Variants in FAM120B observed in about 807,000 individuals in gnomAD.
FAM120B encodes the protein constitutive coactivator of peroxisome proliferator-activated receptor gamma.
In FAM120B, 83 loss-of-function variants were observed where a neutral mutation model predicts 96.3. The observed-to-expected ratio is 0.86, with a 90% confidence interval of 0.72 to 1.03. The LOEUF is 1.03. FAM120B is among the 50% of genes least tolerant of loss of function. The pLI is 0.00. For missense variants in FAM120B, 1,027 were observed against 1,121.2 expected, an observed-to-expected ratio of 0.92 and a Z score of 1.20; for synonymous variants, 407 against 402.7, an observed-to-expected ratio of 1.01 and a Z score of -0.13.
At chr6:170,341,383 C>T (rs1251999637) in intron 4 of FAM120B, among the ~76,000 whole-genome samples, 1 of 152,218 alleles carries the variant, frequency 6.6e-6, no homozygotes. Flanking sequence ...CTTCAGACTG[C>T]TGTGCTGGCA....
Position 170,391,005 on chromosome 6 carries a change from G to A in FAM120B, c.2491-8G>A, listed in dbSNP as rs948815437. ...CTCACATCTCATTTGCATCTGGTCT[G>A]TTTGCAGAGATCTCGGCTCACCAAA... On this transcript the variant is annotated splice_region_variant and splice_polypyrimidine_tract_variant and intron_variant, in intron 7 of 10. Transcript: ENST00000476287. 6.2e-7 allele frequency: 1 copy of A among 1,613,096 alleles called. No homozygotes were observed. The highest frequency in any genetic ancestry group is 1.3e-5 in the African/African-American group (1 of 75,022).
chr6:170,401,376 T>G (rs1474526689), intron 9 of FAM120B, among the ~76,000 whole-genome samples: 3 of 151,482 alleles, frequency 2.0e-5, no homozygotes, highest in Non-Finnish European at 4.4e-5. Flanking sequence ...TGGACACAGG[T>G]TTGGGGGTGA....
chr6:170,404,847 A>G lies in FAM120B; in HGVS notation c.*96A>G, dbSNP rs1778749651. On this transcript the variant is annotated 3_prime_UTR_variant, in exon 11 of 11. Transcript: ENST00000476287. ...CTGCTGTTGCAGCTGCAAGGAGACC[A>G]TGCCTGTGGGAGCCAGGCCTCGCTT... is the stretch of plus-strand genomic sequence containing the variant. 2.0e-6 allele frequency: 1 copy of G among 494,052 alleles called. No individual in the cohort carries two copies. Among genetic ancestry groups the G allele is most frequent in the Admixed American group, 3.7e-5 (1 of 26,826 alleles). 30.6% of individuals were successfully genotyped at this position (494,052 alleles called of 1,614,324 possible). A position where few individuals can be genotyped will look rare whatever the true frequency, so the allele number is the denominator to read the frequency against.
chr6:170,306,268 G>C (rs920749696), upstream of FAM120B, among the ~76,000 whole-genome samples: 4 of 152,164 alleles, frequency 2.6e-5, no homozygotes, highest in African/African-American at 9.7e-5. Context: ...ACGTGGCGGG[G>C]AAGCGCGCGG....
intron 9 of FAM120B, among the ~76,000 whole-genome samples, chr6:170,401,323 G>A (rs1005394479): frequency 1.3e-5 from 2 of 152,184 alleles, no homozygotes; most frequent in African/African-American, 4.8e-5. Context: ...GTCTCCAAGT[G>A]GCATTCAGCA....
chr6:170,371,166 G>A (rs1014319700), intron 6 of FAM120B, among the ~76,000 whole-genome samples: 9 of 151,508 alleles, frequency 5.9e-5, no homozygotes, highest in Admixed American at 6.6e-5. Context: ...ACACTCCTCA[G>A]CCCCTGTCTA....
chr6:170,390,238 C>T (rs1348544621), intron 7 of FAM120B, among the ~76,000 whole-genome samples: 1 of 152,180 alleles, frequency 6.6e-6, no homozygotes, highest in African/African-American at 2.4e-5. Context: ...ACACAGATTC[C>T]AGAGTGGCAT....
chr6:170,314,104 G>A (rs1784756447), intron 1 of FAM120B, among the ~76,000 whole-genome samples: 1 of 152,188 alleles, frequency 6.6e-6, no homozygotes, highest in Non-Finnish European at 1.5e-5. Flanking sequence ...CCTATTTACT[G>A]GTAACTCAAT....
At chr6:170,299,395 A>T (rs1274373152) in intron 1 of FAM120B, among the ~76,000 whole-genome samples, 3 of 152,086 alleles carry the variant, frequency 2.0e-5, no homozygotes, top group Non-Finnish European at 4.4e-5. Context: ...GGGATGCGCA[A>T]TGTGTGTCTT....
intron 2 of FAM120B, among the ~76,000 whole-genome samples, chr6:170,320,675 T>G (rs578029971): frequency 6.6e-6 from 1 of 152,328 alleles, no homozygotes; most frequent in East Asian, 1.9e-4. Context: ...GTTCTCGTAG[T>G]GAAATATGGA....
upstream of FAM120B, among the ~76,000 whole-genome samples, chr6:170,305,791 A>C (rs1230199280): frequency 6.6e-6 from 1 of 152,224 alleles, no homozygotes; most frequent in Non-Finnish European, 1.5e-5. Flanking sequence ...CTGCAGCTAG[A>C]GGGGTGGACT....
In FAM120B at chr6:170,300,731, C is replaced by G. The variant is rs535934418; in HGVS notation, c.48+5278C>G. Among the ~76,000 whole-genome samples, 2 of 152,210 alleles carry G rather than the reference C, an allele frequency of 1.3e-5. 1 individual carries two copies. The highest frequency in any genetic ancestry group is 2.9e-5 in the Non-Finnish European group (2 of 68,040). ...GGAGACACTGGCCAAAACAAAGGGA[C>G]CACAGGCCCCATGCAAGTCCAAAAT... On this transcript the variant is annotated intron_variant, in intron 1 of 10. Coordinates refer to the FAM120B transcript ENST00000537664.
chr6:170,380,198 G>A (rs1044877387), intron 6 of FAM120B, among the ~76,000 whole-genome samples: 1 of 150,886 alleles, frequency 6.6e-6, no homozygotes, highest in Non-Finnish European at 1.5e-5. Context: ...TTTTTTTTTA[G>A]TAGCTGAACA....
At chr6:170,398,215 A>T (rs1220389293) in intron 9 of FAM120B, among the ~76,000 whole-genome samples, 1 of 152,262 alleles carries the variant, frequency 6.6e-6, no homozygotes, top group Non-Finnish European at 1.5e-5. Flanking sequence ...TGGCCTGGAT[A>T]ACCTTGAGTG....
Position 170,361,218 on chromosome 6 carries a change from A to ACG in FAM120B, c.2283+2900_2283+2901insCG, listed in dbSNP as rs1554286340. Reference sequence around the variant, plus strand: ...TACGTGTATATATATATATATATATATATATATATATATATATACACGTAT... The same window carrying ACG: ...TACGTGTATATATATATATATATATACGTATATATATATATATATACACGTAT... On this transcript the variant is annotated intron_variant, in intron 6 of 10. Transcript: ENST00000476287. Among the ~76,000 whole-genome samples the ACG allele has an allele frequency of 1.3e-3, 137 of 108,794 alleles. 4 individuals carry two copies. In the East Asian group the frequency reaches 0.023, roughly 18 times the overall value. 71.4% of individuals were successfully genotyped at this position (108,794 alleles called of 152,430 possible). A position where few individuals can be genotyped will look rare whatever the true frequency, so the allele number is the denominator to read the frequency against.
At chr6:170,344,646 C>G (rs1787060167) in intron 4 of FAM120B, among the ~76,000 whole-genome samples, 1 of 152,252 alleles carries the variant, frequency 6.6e-6, no homozygotes, top group African/African-American at 2.4e-5. Context: ...ACCACCTGGG[C>G]AAGTCCGTAG....
At chr6:170,390,745 A>C (rs912428741) in intron 7 of FAM120B, among the ~76,000 whole-genome samples, 13 of 152,210 alleles carry the variant, frequency 8.5e-5, no homozygotes, top group Admixed American at 3.9e-4. Flanking sequence ...TCTTTTTTAG[A>C]AATGATTGTT....
intron 4 of FAM120B, among the ~76,000 whole-genome samples, chr6:170,347,412 G>A (rs1366881052): frequency 6.6e-6 from 1 of 152,224 alleles, no homozygotes; most frequent in African/African-American, 2.4e-5. Context: ...GCAACTCAGT[G>A]TGAGTCGTCA....
At chr6:170,375,429 G>A (rs1280650316) in intron 6 of FAM120B, among the ~76,000 whole-genome samples, 2 of 152,182 alleles carry the variant, frequency 1.3e-5, no homozygotes, top group African/African-American at 2.4e-5. Context: ...TGCCTACAAA[G>A]GACGTATGTT....
Sources: gnomAD v4.1 joint callset for allele counts (sites outside exome capture counted in the v4.1 genomes callset) on GRCh38, gnomAD v4.1.1 for gene constraint, MANE v1.5 for transcripts, NCBI Gene and HGNC (gene_info 2026-07-23, HGNC 2026-07-21) for gene names.